Variants in DGKD observed in about 807,000 individuals in gnomAD.
The protein encoded by DGKD is diacylglycerol kinase delta.
A neutral mutation model predicts 154.4 loss-of-function variants in DGKD; 68 were observed. The ratio of observed to expected loss-of-function variants is 0.44; its 90% confidence interval spans 0.36 to 0.54. DGKD has a LOEUF of 0.54. Among genes scored for constraint, DGKD ranks in the 20% least tolerant of loss-of-function variants. The pLI is 0.00. For missense variants in DGKD, 1,343 were observed against 1,593.6 expected (o/e 0.84, Z 2.68); for synonymous variants, 693 against 638.0 (o/e 1.09, Z -1.30).
intron 1 of DGKD, among the ~76,000 whole-genome samples, chr2:233,375,984 CA>C (rs1203512309): frequency 2.0e-5 from 3 of 152,130 alleles, no homozygotes; most frequent in African/African-American, 7.2e-5. Context: ...CTCAAGTGTT[CA>C]ATAAACATTT....
At chr2:233,394,750 C>T (rs1703897279) in intron 3 of DGKD, among the ~76,000 whole-genome samples, 2 of 109,192 alleles carry the variant, frequency 1.8e-5, no homozygotes, top group Non-Finnish European at 3.4e-5. Flanking sequence ...CTGTGTTGCT[C>T]AGGCTGGAAT....
At chr2:233,387,892 T>C (rs898230376) in intron 1 of DGKD, among the ~76,000 whole-genome samples, 1 of 152,112 alleles carries the variant, frequency 6.6e-6, no homozygotes, top group Non-Finnish European at 1.5e-5. Context: ...AAATACCAAA[T>C]GCTGAAGTTG....
chr2:233,388,883 T>C, intron 2 of DGKD: 1 of 152,244 alleles, frequency 6.6e-6, no homozygotes, highest in Non-Finnish European at 1.5e-5. Context: ...GTAGCTGGGA[T>C]TACAGGTGCC....
At chr2:233,434,689 G>A (rs2062632178) in intron 4 of DGKD, 80 bp from the exon 5 acceptor site, 2 of 1,566,750 alleles carry the variant, frequency 1.3e-6, no homozygotes, top group South Asian at 1.2e-5. Flanking sequence ...TGGATACTTT[G>A]TTTAATCTTG....
Position 233,452,991 on chromosome 2 carries a change from C to G in DGKD, c.2264+931C>G, listed in dbSNP as rs574527592. ...GTTCCTGGCCTGGTCTACTCCTCCC[C>G]TGGGGCTGCGTGGGGCTCCAGTTCT... On this transcript the variant is annotated intron_variant, in intron 18 of 29. Coordinates refer to ENST00000264057, the MANE Select transcript of DGKD (RefSeq NM_152879.3). This position sits in a 1 kb window ranked among gnomAD's most constrained non-coding sequence, Gnocchi z 4.0. 1.8e-4 allele frequency among the ~76,000 whole-genome samples: 28 copies of G among 152,306 alleles called. No individual in the cohort carries two copies. The highest frequency in any genetic ancestry group is 6.5e-4 in the African/African-American group (27 of 41,558).
At chr2:233,434,357 G>A in intron 3 of DGKD, 23 bp from the exon 4 acceptor site, 1 of 1,599,252 alleles carries the variant, frequency 6.3e-7, no homozygotes. Flanking sequence ...TCATGGATCT[G>A]TTGAACCTGT....
chr2:233,411,317 A>G (rs1363906811), intron 3 of DGKD, among the ~76,000 whole-genome samples: 2 of 152,222 alleles, frequency 1.3e-5, no homozygotes, highest in Non-Finnish European at 2.9e-5. Context: ...AGCAGTGTAT[A>G]GAGAGTTCCA....
chr2:233,388,038 C>G, intron 1 of DGKD: 1 of 1,024,616 alleles, frequency 9.8e-7, no homozygotes, highest in Non-Finnish European at 1.3e-6. Flanking sequence ...CCCACCCACA[C>G]AGGCACACAT....
chr2:233,448,223 C>A, intron 13 of DGKD, 42 bp downstream of exon 13: 7 of 1,613,970 alleles, frequency 4.3e-6, no homozygotes, highest in Non-Finnish European at 5.1e-6. Flanking sequence ...GTGCCCTGGC[C>A]CCCAGCCTGG....
chr2:233,447,578 C>T, intron 12 of DGKD: 2 of 985,902 alleles, frequency 2.0e-6, no homozygotes, highest in South Asian at 4.7e-5. Flanking sequence ...TATTCGCTGT[C>T]TGGCCAGTAG....
At chr2:233,377,637 CTT>C (rs1377410896) in intron 1 of DGKD, among the ~76,000 whole-genome samples, 1 of 151,986 alleles carries the variant, frequency 6.6e-6, no homozygotes, top group Non-Finnish European at 1.5e-5. Flanking sequence ...GCCAAAGTGT[CTT>C]TTGGGATAGA....
chr2:233,361,035 TA>T (rs1406233028), intron 1 of DGKD, among the ~76,000 whole-genome samples: 5 of 135,256 alleles, frequency 3.7e-5, no homozygotes, highest in Non-Finnish European at 1.7e-5. Context: ...CTTGAAGTTT[TA>T]TGGCAGCCCT....
intron 3 of DGKD, among the ~76,000 whole-genome samples, chr2:233,426,426 C>T (rs1038953845): frequency 3.3e-5 from 5 of 152,206 alleles, no homozygotes; most frequent in African/African-American, 9.6e-5. Context: ...TTCCCGACCA[C>T]GGAGAACACT....
Position 233,451,064 on chromosome 2 carries a change from A to G in DGKD, c.2167+14A>G. On this transcript the variant is annotated intron_variant, in intron 17 of 29. Transcript: ENST00000264057. Reference sequence around the variant, plus strand: ...TCCTGTACCCAAGTGAGTGGCGGCCAGCAGGAGGGACTGGTGGGGGCCCTA... The same window carrying G: ...TCCTGTACCCAAGTGAGTGGCGGCCGGCAGGAGGGACTGGTGGGGGCCCTA... 1 of 1,595,880 alleles carries G rather than the reference A, an allele frequency of 6.3e-7. No individual in the cohort carries two copies. The highest frequency in any genetic ancestry group is 8.6e-7 in the Non-Finnish European group (1 of 1,165,016).
At chr2:233,368,748 A>C (rs1702166170) in intron 1 of DGKD, among the ~76,000 whole-genome samples, 1 of 152,158 alleles carries the variant, frequency 6.6e-6, no homozygotes, top group Non-Finnish European at 1.5e-5. Context: ...AGTGTTTTAC[A>C]ATCAGTTACA....
intron 2 of DGKD, chr2:233,388,650 T>A (rs966320271): frequency 7.7e-6 from 2 of 258,478 alleles, no homozygotes; most frequent in African/African-American, 4.4e-5. Flanking sequence ...GCTGGATATC[T>A]CTCTCTCAGA....
chr2:233,444,785 A>G (rs952073035), intron 10 of DGKD, among the ~76,000 whole-genome samples: 3 of 150,926 alleles, frequency 2.0e-5, no homozygotes, highest in African/African-American at 7.3e-5. Flanking sequence ...GGTCACCTCC[A>G]CCTGGTGGGC....
Position 233,449,211 on chromosome 2 carries a change from G to A in DGKD, c.1723G>A (p.Glu575Lys), listed in dbSNP as rs2063185404. 6.2e-7 allele frequency: 1 copy of A among 1,613,912 alleles called. No homozygotes were observed. Among genetic ancestry groups the A allele is most frequent in the Non-Finnish European group, 8.5e-7 (1 of 1,179,950 alleles). Reference sequence around the variant, plus strand: ...GCCCCCCACCATTGCCGAGGAGGCTGAAGATGGAGATGGGTCGGGCAGCAT... The same window carrying A: ...GCCCCCCACCATTGCCGAGGAGGCTAAAGATGGAGATGGGTCGGGCAGCAT... Reference protein sequence around the residue: ...NPPPTIAEEAEDGDGSGSICG... With the variant: ...NPPPTIAEEAKDGDGSGSICG... The change falls in exon 15 of 30, where the codon GAA becomes AAA. Residue 575 changes from glutamate (E) to lysine (K), a missense_variant. This residue lies in a region of DGKD where 409 missense variants were observed against 446.0 expected (regional missense o/e 0.92). Transcript: ENST00000264057. The surrounding 1 kb of genome is among the most constrained non-coding windows in gnomAD (Gnocchi z 5.3).
chr2:233,452,314 C>T lies in DGKD; in HGVS notation c.2264+254C>T, dbSNP rs1477133740. On this transcript the variant is annotated intron_variant, in intron 18 of 29. Transcript: ENST00000264057. The surrounding 1 kb of genome is among the most constrained non-coding windows in gnomAD (Gnocchi z 4.0). The stretch of plus-strand genomic sequence containing the variant: ...TCCCACGGTGCTTGCTTGACGTCCC[C>T]TGAGCCTGCATGCCCTTCTGAGGCT... Among the ~76,000 whole-genome samples the T allele has an allele frequency of 6.6e-6, 1 of 152,202 alleles. No individual in the cohort carries two copies. The highest frequency in any genetic ancestry group is 1.5e-5 in the Non-Finnish European group (1 of 68,042).
Sources: allele counts gnomAD v4.1 joint callset (sites outside exome capture counted in the v4.1 genomes callset), GRCh38; gene constraint gnomAD v4.1.1; regional missense constraint gnomAD v4.1.1; non-coding constraint Gnocchi (gnomAD v3.1); transcripts MANE v1.5; gene names NCBI Gene and HGNC (gene_info 2026-07-23, HGNC 2026-07-21).